Variants in CILK1 observed in about 807,000 individuals in gnomAD.
CILK1 encodes the protein serine/threonine-protein kinase ICK.
CILK1 carries 47 observed loss-of-function variants against 79.2 expected under a neutral mutation model. That is an observed-to-expected ratio of 0.59 (90% confidence interval 0.47 to 0.76). The LOEUF (loss-of-function observed/expected upper bound fraction) is 0.76, where lower values mean the gene tolerates loss of function less well. Ranked by LOEUF, CILK1 falls within the 30% of genes least tolerant of loss-of-function variation. CILK1 has a pLI of 0.00. For synonymous variants in CILK1, 266 were observed against 275.9 expected, an observed-to-expected ratio of 0.96 and a Z score of 0.36; for missense variants, 660 against 769.5, an observed-to-expected ratio of 0.86 and a Z score of 1.68.
intron 1 of CILK1, among the ~76,000 whole-genome samples, chr6:53,058,693 A>G (rs1768143914): frequency 6.6e-6 from 1 of 152,154 alleles, no homozygotes; most frequent in Non-Finnish European, 1.5e-5. Flanking sequence ...GAAAGACAAC[A>G]GTTAAATGAG....
In CILK1 at chr6:53,012,054, A is replaced by G; in HGVS notation, c.1326T>C (p.Ser442=). The G allele has an allele frequency of 6.2e-7, 1 of 1,613,942 alleles. No homozygotes were observed. Among genetic ancestry groups the G allele is most frequent in the Non-Finnish European group, 8.5e-7 (1 of 1,179,970 alleles). ...RIDLKNKKRQ[S]DDTLCRFESV... The stretch of plus-strand genomic sequence containing the variant: ...ACACTTGCCTGCAGAGAGTGTCATC[A>G]CTCTGTCTTTTCTTGTTTTTCAGGT... Residue 442 remains serine (S), a synonymous_variant, in exon 10 of 14, where the codon AGT becomes AGC. Transcript: ENST00000676107.
At chr6:53,059,586 C>CA (rs915027716) in intron 1 of CILK1, among the ~76,000 whole-genome samples, 1 of 152,172 alleles carries the variant, frequency 6.6e-6, no homozygotes, top group African/African-American at 2.4e-5. Context: ...TGAGCAGTGA[C>CA]ACTGCAGTGG....
At chr6:53,025,869 TG>T (rs1765537856) in intron 5 of CILK1, among the ~76,000 whole-genome samples, 2 of 152,244 alleles carry the variant, frequency 1.3e-5, no homozygotes, top group South Asian at 4.1e-4. Flanking sequence ...GATCTATTCC[TG>T]GTAATTAAAA....
intron 1 of CILK1, among the ~76,000 whole-genome samples, chr6:53,055,420 C>T (rs1198024119): frequency 6.6e-6 from 1 of 152,186 alleles, no homozygotes; most frequent in Non-Finnish European, 1.5e-5. Flanking sequence ...AAGCATTTTG[C>T]CTCTTGGACT....
At chr6:53,050,520 A>G (rs1044675484) in intron 1 of CILK1, among the ~76,000 whole-genome samples, 2 of 151,460 alleles carry the variant, frequency 1.3e-5, no homozygotes, top group Non-Finnish European at 2.9e-5. Context: ...AATATGTGAC[A>G]TATTTATTTT....
At chr6:53,032,485 GC>G in intron 4 of CILK1, 47 bp downstream of exon 4, 1 of 1,353,122 alleles carries the variant, frequency 7.4e-7, no homozygotes, top group Non-Finnish European at 9.9e-7. Flanking sequence ...AAACACATCT[GC>G]TTTGCCTATT....
At chr6:53,018,728 CTCTAT>C (rs1765041828) in intron 6 of CILK1, among the ~76,000 whole-genome samples, 2 of 152,096 alleles carry the variant, frequency 1.3e-5, no homozygotes, top group Admixed American at 1.3e-4. Context: ...CAGGAGACTT[CTCTAT>C]GGCATCTTTG....
At chr6:53,057,623 T>C (rs1445543690) in intron 1 of CILK1, 1 of 152,218 alleles carries the variant, frequency 6.6e-6, no homozygotes, top group Non-Finnish European at 1.5e-5. Context: ...AACTGAATGC[T>C]AATTAACATA....
Position 53,006,444 on chromosome 6 carries a change from T to C in CILK1, c.1622-7A>G. The stretch of plus-strand genomic sequence containing the variant: ...CTTGTAGAGCTGGAACCAACTGATT[T>C]GCAAAAGCAAAAAGCTCATTATTAC... On this transcript the variant is annotated splice_polypyrimidine_tract_variant and splice_region_variant and intron_variant, in intron 12 of 13. Coordinates refer to ENST00000676107, the MANE Select transcript of CILK1 (RefSeq NM_014920.5). The C allele has an allele frequency of 6.2e-7, 1 of 1,613,478 alleles. No individual in the cohort carries two copies. The highest frequency in any genetic ancestry group is 8.5e-7 in the Non-Finnish European group (1 of 1,179,736).
chr6:53,009,373 G>A, intron 12 of CILK1, 66 bp downstream of exon 12: 1 of 1,520,890 alleles, frequency 6.6e-7, no homozygotes, highest in Non-Finnish European at 9.1e-7. Context: ...ATGACTCCTT[G>A]TGCCCACCTT....
At chr6:53,008,169 T>C (rs1470466200) in intron 12 of CILK1, among the ~76,000 whole-genome samples, 1 of 151,224 alleles carries the variant, frequency 6.6e-6, no homozygotes, top group Non-Finnish European at 1.5e-5. Context: ...AGTTATGGTG[T>C]TGTATAGATA....
Position 53,005,134 on chromosome 6 carries a change from C to T in CILK1, c.*15G>A. On this transcript the variant is annotated 3_prime_UTR_variant, in exon 14 of 14. Transcript: ENST00000676107. Reference sequence around the variant, plus strand: ...TGCTTCTCCCTAGGAAGAGATTCATCACCAAGGCAGACAGTCATCGCCGAG... The same window carrying T: ...TGCTTCTCCCTAGGAAGAGATTCATTACCAAGGCAGACAGTCATCGCCGAG... 1 of 1,614,014 alleles carries T rather than the reference C, an allele frequency of 6.2e-7. No individual in the cohort carries two copies. Among genetic ancestry groups the T allele is most frequent in the Non-Finnish European group, 8.5e-7 (1 of 1,180,012 alleles).
intron 5 of CILK1, among the ~76,000 whole-genome samples, chr6:53,024,552 G>A (rs1474013888): frequency 6.6e-6 from 1 of 152,162 alleles, no homozygotes; most frequent in East Asian, 1.9e-4. Flanking sequence ...AATGTGTAAG[G>A]ATACAAGCAG....
chr6:53,030,775 A>G (rs1326941584), intron 5 of CILK1, among the ~76,000 whole-genome samples: 3 of 152,240 alleles, frequency 2.0e-5, no homozygotes, highest in African/African-American at 7.2e-5. Flanking sequence ...TTCTAATTGT[A>G]GGTTTCTCAT....
At chr6:53,060,312 G>A (rs955211609) in intron 1 of CILK1, among the ~76,000 whole-genome samples, 1 of 152,116 alleles carries the variant, frequency 6.6e-6, no homozygotes, top group Non-Finnish European at 1.5e-5. Context: ...GGACAGCAGG[G>A]GTCTACCTAA....
chr6:53,022,468 C>T (rs562675414), intron 5 of CILK1, among the ~76,000 whole-genome samples: 7 of 152,330 alleles, frequency 4.6e-5, no homozygotes, highest in African/African-American at 1.7e-4. Context: ...TAGAGGCTTA[C>T]AGTCTAGGAA....
At chr6:53,053,798 T>C (rs1767652697) in intron 1 of CILK1, among the ~76,000 whole-genome samples, 1 of 152,210 alleles carries the variant, frequency 6.6e-6, no homozygotes, top group Non-Finnish European at 1.5e-5. Context: ...AGCACCAACA[T>C]GCCCACAGTG....
intron 5 of CILK1, among the ~76,000 whole-genome samples, chr6:53,026,951 G>A (rs1243026810): frequency 6.6e-6 from 1 of 152,120 alleles, no homozygotes; most frequent in Non-Finnish European, 1.5e-5. Flanking sequence ...CCTTGGGCAA[G>A]GAAAACATCA....
rs192378725 is a variant in CILK1 at position 53,028,391 on chromosome 6, T to C, written c.358+2674A>G. Among the ~76,000 whole-genome samples, 13 of 152,320 alleles carry C rather than the reference T, an allele frequency of 8.5e-5. No individual in the cohort carries two copies. The East Asian group carries it at 2.5e-3, about 29-fold the overall frequency. On this transcript the variant is annotated intron_variant, in intron 5 of 13. Transcript: ENST00000676107. ...TGTTCTCGCTGAGCACAGGCAGGTT[T>C]TTCTAATCAAGCATGGCAAACAGGC...
Sources: gnomAD v4.1 joint callset for allele counts (sites outside exome capture counted in the v4.1 genomes callset) on GRCh38, gnomAD v4.1.1 for gene constraint, MANE v1.5 for transcripts, NCBI Gene and HGNC (gene_info 2026-07-23, HGNC 2026-07-21) for gene names.